Variants in SERPINI2 observed in about 807,000 individuals in gnomAD.
The protein encoded by SERPINI2 is serpin I2.
SERPINI2 carries 48 observed loss-of-function variants against 47.3 expected under a neutral mutation model. The observed-to-expected ratio is 1.02, with a 90% CI of 0.81 to 1.29. SERPINI2 has a LOEUF of 1.29. Among genes scored for constraint, SERPINI2 ranks in the 50% most tolerant of loss-of-function variants. SERPINI2 has a pLI of 0.00. For missense variants in SERPINI2, 448 were observed against 456.9 expected (o/e 0.98, Z 0.18); for synonymous variants, 135 against 149.3 (o/e 0.90, Z 0.70).
chr3:167,465,898 T>C (rs1750121216), intron 3 of SERPINI2, among the ~76,000 whole-genome samples: 1 of 152,202 alleles, frequency 6.6e-6, no homozygotes, highest in African/African-American at 2.4e-5. Flanking sequence ...AATATGAGAC[T>C]GTTTTAGGCA....
chr3:167,442,200 AC>A lies in SERPINI2; in HGVS notation c.1142-16del. 6.4e-7 allele frequency: 1 copy of A among 1,553,482 alleles called. No individual in the cohort carries two copies. Among genetic ancestry groups the A allele is most frequent in the Non-Finnish European group, 8.7e-7 (1 of 1,151,350 alleles). Reference sequence around the variant, plus strand: ...CAGAATTGATTCTAGGGAAAAAAAAACAAAAAAATATACTTTAGGAATTTCA... The same window carrying A: ...CAGAATTGATTCTAGGGAAAAAAAAAAAAAAAATATACTTTAGGAATTTCA... On this transcript the variant is annotated splice_polypyrimidine_tract_variant and intron_variant, in intron 8 of 8. Transcript: ENST00000264677.
chr3:167,463,371 G>A (rs1206962258), intron 5 of SERPINI2, among the ~76,000 whole-genome samples: 1 of 152,032 alleles, frequency 6.6e-6, no homozygotes, highest in Admixed American at 6.6e-5. Context: ...AGAGAAGTTG[G>A]GGTTAGAGAC....
chr3:167,462,534 G>T (rs542887649), intron 5 of SERPINI2, among the ~76,000 whole-genome samples: 5 of 152,262 alleles, frequency 3.3e-5, no homozygotes, highest in African/African-American at 1.2e-4. Flanking sequence ...TGTTGGATTA[G>T]AGCCCGGCCT....
rs568361556 is a variant in SERPINI2, at chr3:167,447,596, T to TC, written c.1052-1116dup. Among the ~76,000 whole-genome samples the TC allele has an allele frequency of 2.0e-5, 3 of 152,304 alleles. No homozygotes were observed. In the East Asian group the frequency reaches 5.8e-4, roughly 29 times the overall value. On this transcript the variant is annotated intron_variant, in intron 7 of 8. Transcript: ENST00000264677. The stretch of plus-strand genomic sequence containing the variant: ...AACATAAAGAGCTCTGAACTTAAAG[T>TC]CAGGGAACATGAGTTGCGTTCAAAT...
intron 6 of SERPINI2, among the ~76,000 whole-genome samples, chr3:167,451,783 T>C (rs745317455): frequency 6.6e-6 from 1 of 152,312 alleles, no homozygotes; most frequent in East Asian, 1.9e-4. Flanking sequence ...GATCTCCCTA[T>C]GGCCAGAAAG....
intron 8 of SERPINI2, among the ~76,000 whole-genome samples, chr3:167,446,044 C>T (rs1377912996): frequency 2.6e-5 from 4 of 152,210 alleles, no homozygotes; most frequent in African/African-American, 9.6e-5. Flanking sequence ...GACCTTTATT[C>T]CCACTCTGAC....
intron 5 of SERPINI2, among the ~76,000 whole-genome samples, chr3:167,460,813 T>C (rs768232858): frequency 1.5e-4 from 23 of 152,164 alleles, no homozygotes; most frequent in Non-Finnish European, 2.4e-4. Context: ...AGAAATAATA[T>C]AGAATTTCTT....
intron 5 of SERPINI2, among the ~76,000 whole-genome samples, chr3:167,455,419 A>G (rs757069190): frequency 1.3e-5 from 2 of 152,110 alleles, no homozygotes; most frequent in Non-Finnish European, 2.9e-5. Flanking sequence ...GGGGAATGGT[A>G]TTGGCCCTTC....
chr3:167,471,769 T>C (rs1386942999), exon 2 of SERPINI2: 2 of 1,613,598 alleles, frequency 1.2e-6, no homozygotes, highest in Non-Finnish European at 8.5e-7. Context: ...TTTTTTGAGC[T>C]GAGCATCTTG....
intron 5 of SERPINI2, among the ~76,000 whole-genome samples, chr3:167,458,031 A>G (rs1432884155): frequency 6.6e-6 from 1 of 152,204 alleles, no homozygotes; most frequent in Non-Finnish European, 1.5e-5. Flanking sequence ...TAATCATTTC[A>G]TTGTCTTACT....
At chr3:167,476,634 C>T (rs1317880296), upstream of SERPINI2, among the ~76,000 whole-genome samples, 1 of 151,944 alleles carries the variant, frequency 6.6e-6, no homozygotes, top group Non-Finnish European at 1.5e-5. Flanking sequence ...AAAAGAATTC[C>T]CAAATTAGAC....
At chr3:167,471,536 T>G in intron 2 of SERPINI2, 52 bp downstream of exon 2, 1 of 1,465,256 alleles carries the variant, frequency 6.8e-7, no homozygotes, top group South Asian at 1.6e-5. Flanking sequence ...TATTAAAAAA[T>G]GAATGCGTCC....
chr3:167,457,593 A>T (rs1235011976), intron 5 of SERPINI2, among the ~76,000 whole-genome samples: 2 of 152,172 alleles, frequency 1.3e-5, no homozygotes, highest in Non-Finnish European at 1.5e-5. Flanking sequence ...CTCTTTAACA[A>T]ATCCAGGTTA....
chr3:167,453,026 C>G, exon 6 of SERPINI2: 1 of 1,537,316 alleles, frequency 6.5e-7, no homozygotes, highest in Non-Finnish European at 8.8e-7. Context: ...TTTTGTTCTA[C>G]TTTAAATCTG....
At chr3:167,467,175 T>C (rs1750159315) in exon 3 of SERPINI2, 1 of 1,613,390 alleles carries the variant, frequency 6.2e-7, no homozygotes, top group African/African-American at 1.3e-5. Flanking sequence ...TACTGTTCTT[T>C]CACAGTGAAT....
chr3:167,471,950 T>G, intron 1 of SERPINI2, 106 bp from the exon 2 acceptor site: 1 of 761,694 alleles, frequency 1.3e-6, no homozygotes, highest in Non-Finnish European at 2.1e-6. Flanking sequence ...TAATAGAACT[T>G]ACTACCACAA....
chr3:167,465,145 T>A (rs1750096220), intron 5 of SERPINI2, 61 bp downstream of exon 5: 1 of 1,393,302 alleles, frequency 7.2e-7, no homozygotes. Flanking sequence ...TTCAGCTGAC[T>A]GCTCAAATTC....
chr3:167,471,782 G>T, exon 2 of SERPINI2: 1 of 1,613,192 alleles, frequency 6.2e-7, no homozygotes, highest in South Asian at 1.1e-5. Flanking sequence ...GCATCTTGAG[G>T]CTTGACTTCC....
chr3:167,442,502 C>G (rs1347443512), intron 8 of SERPINI2, among the ~76,000 whole-genome samples: 1 of 152,046 alleles, frequency 6.6e-6, no homozygotes, highest in South Asian at 2.1e-4. Flanking sequence ...AGACCCAGTC[C>G]GGAGAACATA....
Sources: allele counts gnomAD v4.1 joint callset (sites outside exome capture counted in the v4.1 genomes callset), GRCh38; gene constraint gnomAD v4.1.1; transcripts MANE v1.5; gene names NCBI Gene and HGNC (gene_info 2026-07-23, HGNC 2026-07-21).